Variants in TEX264 observed in about 807,000 individuals in gnomAD.
The protein encoded by TEX264 is testis expressed 264, ER-phagy receptor.
TEX264 carries 13 observed loss-of-function variants against 23.4 expected under a neutral mutation model. The observed-to-expected ratio is 0.56, with a 90% CI of 0.36 to 0.88. The LOEUF is 0.88. Among genes scored for constraint, TEX264 ranks in the 40% least tolerant of loss-of-function variants. The pLI, the probability that TEX264 is intolerant of heterozygous loss-of-function variation, is 0.01. For synonymous variants in TEX264, 159 were observed against 170.0 expected (o/e 0.94, Z 0.50); for missense variants, 340 against 406.8 (o/e 0.84, Z 1.41).
intron 4 of TEX264, among the ~76,000 whole-genome samples, chr3:51,702,804 G>A (rs1326695488): frequency 6.6e-6 from 1 of 152,226 alleles, no homozygotes; most frequent in East Asian, 1.9e-4. Context: ...TGAACCCAGG[G>A]GTTGCTCCTG....
intron 2 of TEX264, among the ~76,000 whole-genome samples, chr3:51,678,769 G>A (rs1297954032): frequency 1.3e-5 from 2 of 152,176 alleles, no homozygotes; most frequent in East Asian, 3.9e-4. Context: ...GTAGGCCTGT[G>A]TCACACTCCC....
At position 51,703,708 on chromosome 3, in the gene TEX264, C is replaced by A. The variant is rs1207347206; in HGVS notation, c.650-16C>A. The A allele has an allele frequency of 1.3e-6, 2 of 1,567,444 alleles. No homozygotes were observed. Among genetic ancestry groups the A allele is most frequent in the South Asian group, 1.2e-5 (1 of 85,430 alleles). On this transcript the variant is annotated splice_polypyrimidine_tract_variant and intron_variant, in intron 4 of 4. Transcript: ENST00000341333. The surrounding 1 kb of genome is among the most constrained non-coding windows in gnomAD (Gnocchi z 4.8). ...GGTGGTCCTAGCTAACCTGTGCTCC[C>A]TTTTCCTGGTCATAGGAGCTGACAC...
chr3:51,682,501 G>A (rs1702464909), intron 2 of TEX264: 1 of 152,314 alleles, frequency 6.6e-6, no homozygotes, highest in Non-Finnish European at 1.5e-5. Context: ...CATATTCAGA[G>A]GTTTGGGTGG....
At chr3:51,693,549 G>A (rs554757139) in intron 3 of TEX264, among the ~76,000 whole-genome samples, 4 of 149,714 alleles carry the variant, frequency 2.7e-5, no homozygotes, top group South Asian at 2.1e-4. Context: ...GCACGATCGC[G>A]GCTCACTGCA....
At chr3:51,689,529 G>A (rs1249107583) in intron 3 of TEX264, among the ~76,000 whole-genome samples, 1 of 151,948 alleles carries the variant, frequency 6.6e-6, no homozygotes. Flanking sequence ...TTCTCAGACT[G>A]CCCTGGCTGT....
chr3:51,684,976 C>T (rs1702566089), intron 3 of TEX264, among the ~76,000 whole-genome samples: 1 of 152,234 alleles, frequency 6.6e-6, no homozygotes, highest in Non-Finnish European at 1.5e-5. Flanking sequence ...TTATTCTCAT[C>T]CTGCTGGAGG....
In TEX264 at chr3:51,703,468, G is replaced by A. The variant is rs900674792; in HGVS notation, c.650-256G>A. Among the ~76,000 whole-genome samples the A allele has an allele frequency of 1.3e-5, 2 of 152,082 alleles. No homozygotes were observed. Among genetic ancestry groups the A allele is most frequent in the Admixed American group, 1.3e-4 (2 of 15,284 alleles). ...GGAGCTGAGGCTAATTTAGAGTGGG[G>A]AGAAGAGTGCACAGCTGCCTCCTCC... On this transcript the variant is annotated intron_variant, in intron 4 of 4. Transcript: ENST00000341333. The surrounding 1 kb of genome is among the most constrained non-coding windows in gnomAD (Gnocchi z 4.8).
chr3:51,695,134 C>T (rs1369482458), intron 3 of TEX264, among the ~76,000 whole-genome samples: 1 of 152,214 alleles, frequency 6.6e-6, no homozygotes, highest in Non-Finnish European at 1.5e-5. Flanking sequence ...ACGCCACTAC[C>T]TCGGGTGGGA....
chr3:51,702,367 A>T (rs1485703935), intron 4 of TEX264, among the ~76,000 whole-genome samples: 1 of 152,196 alleles, frequency 6.6e-6, no homozygotes. Context: ...CAGCAAGAGG[A>T]GGGCCCTGGG....
chr3:51,699,129 TAGG>T (rs917075280), intron 3 of TEX264, among the ~76,000 whole-genome samples: 8 of 152,160 alleles, frequency 5.3e-5, no homozygotes, highest in Non-Finnish European at 1.0e-4. Flanking sequence ...GATGTACACA[TAGG>T]AGAGCAGTGC....
chr3:51,696,142 T>C (rs1177231667), intron 3 of TEX264, among the ~76,000 whole-genome samples: 1 of 152,200 alleles, frequency 6.6e-6, no homozygotes, highest in Non-Finnish European at 1.5e-5. Context: ...AGTGAGCTGC[T>C]CTGGGCTGTG....
intron 2 of TEX264, 86 bp downstream of exon 2, chr3:51,674,648 A>G: frequency 6.6e-7 from 1 of 1,517,130 alleles, no homozygotes; most frequent in Non-Finnish European, 8.9e-7. Flanking sequence ...GTTGCTGAGG[A>G]AAGGGTGGGA....
intron 4 of TEX264, 106 bp downstream of exon 4, chr3:51,699,680 G>A: frequency 7.4e-7 from 1 of 1,353,606 alleles, no homozygotes; most frequent in Non-Finnish European, 1.0e-6. Context: ...GGCACTGTGG[G>A]TGTCAGGCTA....
chr3:51,683,726 G>A (rs1464699137), intron 2 of TEX264: 1 of 152,350 alleles, frequency 6.6e-6, no homozygotes, highest in African/African-American at 2.4e-5. Context: ...CCAATCCTAT[G>A]TCCTGACAGG....
intron 4 of TEX264, 51 bp downstream of exon 4, chr3:51,699,625 TG>T: frequency 6.3e-7 from 1 of 1,595,554 alleles, no homozygotes; most frequent in Non-Finnish European, 8.6e-7. Context: ...TCCTCTCTTC[TG>T]GACTCCAGGG....
At position 51,695,417 on chromosome 3, in the gene TEX264, C is replaced by T. The variant is rs991524328; in HGVS notation, c.481-3989C>T. On this transcript the variant is annotated intron_variant, in intron 3 of 4. Transcript: ENST00000341333. ...GGGAGTGGGACCCATCATCAGCCTT[C>T]GTCCTGGGCCTGACCTCTTCTGTCT... Among the ~76,000 whole-genome samples the T allele has an allele frequency of 7.2e-5, 11 of 152,222 alleles. 1 individual carries two copies. The highest frequency in any genetic ancestry group is 5.9e-5 in the Non-Finnish European group (4 of 68,046).
chr3:51,682,430 G>C (rs1702462392), intron 2 of TEX264: 1 of 152,330 alleles, frequency 6.6e-6, no homozygotes. Flanking sequence ...GTGCCACTGA[G>C]CCACGCTGAA....
rs1424099803 is a variant in TEX264, at chr3:51,674,133, C to CTA, written c.-34-138_-34-137insTA. 3.8e-6 allele frequency: 3 copies of CTA among 784,152 alleles called. No individual in the cohort carries two copies. In the East Asian group the frequency reaches 8.0e-5, roughly 21 times the overall value. The allele number at this position is 784,152 out of a possible 1,614,324, so 48.6% of individuals were successfully genotyped here. On this transcript the variant is annotated intron_variant, in intron 1 of 4. Transcript: ENST00000341333. ...CCTTCCAGGTCACTCTGTGTGTAAA[C>CTA]ACCTCTGGCCCCTCCCCTTTCTGGG...
At chr3:51,673,906 T>G (rs1702138859) in intron 1 of TEX264, among the ~76,000 whole-genome samples, 1 of 152,118 alleles carries the variant, frequency 6.6e-6, no homozygotes, top group Non-Finnish European at 1.5e-5. Flanking sequence ...AAAGGCAGGC[T>G]GGCTGGTATC....
Sources: allele counts gnomAD v4.1 joint callset (sites outside exome capture counted in the v4.1 genomes callset), GRCh38; gene constraint gnomAD v4.1.1; non-coding constraint Gnocchi (gnomAD v3.1); transcripts MANE v1.5; gene names NCBI Gene and HGNC (gene_info 2026-07-23, HGNC 2026-07-21).